Variants in NOX5 observed in about 807,000 individuals in gnomAD.
NOX5 encodes NADPH oxidase, EF-hand calcium binding domain 5.
NOX5 carries 76 observed loss-of-function variants against 85.7 expected under a neutral mutation model. The ratio of observed to expected loss-of-function variants is 0.89; its 90% CI spans 0.74 to 1.07. The LOEUF (loss-of-function observed/expected upper bound fraction) is 1.07. NOX5 is among the 50% of genes least tolerant of loss of function. The pLI is 0.00. For missense variants in NOX5, 973 were observed against 999.5 expected, an observed-to-expected ratio of 0.97 and a Z score of 0.36; for synonymous variants, 405 against 401.4, an observed-to-expected ratio of 1.01 and a Z score of -0.11.
In NOX5 at chr15:69,048,307, C is replaced by G. The variant is rs2050702070; in HGVS notation, c.1899+396C>G. ...TAGCACTTTGGGAGGCCAAGGCAGGCAGATCACTTGAGCCCAAGAGCTCAA... is the reference window on the plus strand; with the variant it reads ...TAGCACTTTGGGAGGCCAAGGCAGGGAGATCACTTGAGCCCAAGAGCTCAA... On this transcript the variant is annotated intron_variant, in intron 13 of 15. Transcript: ENST00000388866. Among the ~76,000 whole-genome samples the G allele has an allele frequency of 2.6e-5, 4 of 152,182 alleles. No homozygotes were observed. The South Asian group carries it at 8.3e-4, about 32-fold the overall frequency.
At chr15:69,054,219 T>C (rs924856944) in intron 14 of NOX5, among the ~76,000 whole-genome samples, 3 of 152,146 alleles carry the variant, frequency 2.0e-5, no homozygotes, top group Non-Finnish European at 2.9e-5. Context: ...ATAAAAATGA[T>C]AACATTCATA....
intron 2 of NOX5, 42 bp from the exon 3 acceptor site, chr15:69,028,173 T>C (rs1203574816): frequency 2.6e-6 from 4 of 1,539,512 alleles, no homozygotes; most frequent in Non-Finnish European, 3.5e-6. Flanking sequence ...GCCCAGGCCC[T>C]GCGGCCACAG....
Position 69,056,673 on chromosome 15 carries a change from A to G in NOX5, c.2275A>G (p.Arg759Gly), listed in dbSNP as rs7168025. 2,863 of 1,613,820 alleles carry G rather than the reference A, an allele frequency of 1.8e-3. 51 individuals carry two copies. In the African/African-American group the frequency reaches 0.035, roughly 20 times the overall value. ...GGGCCATTGTGAGAAGTTCGGCTTC[A>G]GATTTTTCCAAGAGAATTTCTAGCC... Reference protein sequence around the residue: ...LKGHCEKFGFRFFQENF With the variant: ...LKGHCEKFGFGFFQENF The change falls in exon 16 of 16, where the codon AGA (arginine) becomes GGA (glycine). Residue 759 changes from arginine (R) to glycine (G), a missense_variant. Arg to Gly is a moderately radical substitution (Grantham distance 125). Coordinates refer to ENST00000388866, the MANE Select transcript of NOX5 (RefSeq NM_024505.4).
rs35787143 is a variant in NOX5, at chr15:69,028,511, C to T, written c.325+146C>T. Reference sequence around the variant, plus strand: ...CTGGTTTCTCCAGGTGAGGCTGACACTTCCTTTCCTCACATCTCTCTCCCA... The same window carrying T: ...CTGGTTTCTCCAGGTGAGGCTGACATTTCCTTTCCTCACATCTCTCTCCCA... On this transcript the variant is annotated intron_variant, in intron 3 of 15. Transcript: ENST00000388866. 3.7e-3 allele frequency: 2,385 copies of T among 636,698 alleles called. 49 individuals carry two copies. In the African/African-American group the frequency reaches 0.039, roughly 10 times the overall value. The allele number at this position is 636,698 out of a possible 1,614,324, so 39.4% of individuals were successfully genotyped here. A position where few individuals can be genotyped will look rare whatever the true frequency, so the allele number is the denominator to read the frequency against.
chr15:69,039,494 G>A (rs2050567311), intron 9 of NOX5, among the ~76,000 whole-genome samples: 1 of 152,194 alleles, frequency 6.6e-6, no homozygotes, highest in Non-Finnish European at 1.5e-5. Flanking sequence ...GCTAGGATGG[G>A]ACTAAGGAGG....
At chr15:69,054,088 A>C (rs1218830309) in intron 14 of NOX5, among the ~76,000 whole-genome samples, 1 of 152,128 alleles carries the variant, frequency 6.6e-6, no homozygotes, top group African/African-American at 2.4e-5. Context: ...GGATGAGGTG[A>C]TCGTCAGTCA....
Position 69,023,482 on chromosome 15 carries a change from G to A in NOX5, c.51-3046G>A, listed in dbSNP as rs941829188. 2.3e-4 allele frequency: 95 copies of A among 406,320 alleles called. No individual in the cohort carries two copies. In the Admixed American group the frequency reaches 2.5e-3, roughly 11 times the overall value. 25.2% of individuals were successfully genotyped at this position (406,320 alleles called of 1,614,324 possible). A position where few individuals can be genotyped will look rare whatever the true frequency, so the allele number is the denominator to read the frequency against. ...TAAAAAATGATTCTACTGAAATCCC[G>A]AATAGAGCCAGGGTTGTCTTCTTGA... On this transcript the variant is annotated intron_variant, in intron 1 of 15. Coordinates refer to ENST00000388866, the MANE Select transcript of NOX5 (RefSeq NM_024505.4).
rs1346186455 is a variant in NOX5, at chr15:69,061,522, C to G, written c.*4826C>G. On this transcript the variant is annotated 3_prime_UTR_variant, in exon 16 of 16. Transcript: ENST00000388866. The stretch of plus-strand genomic sequence containing the variant: ...TACTCATATTAACCAGCCTTCCTGA[C>G]AGATTGATGCATCTTTTTATGATCT... 1 of 152,250 alleles carries G rather than the reference C, an allele frequency of 6.6e-6. No individual in the cohort carries two copies. Among genetic ancestry groups the G allele is most frequent in the African/African-American group, 2.4e-5 (1 of 41,464 alleles). The allele number at this position is 152,250 out of a possible 1,614,324, so 9.4% of individuals were successfully genotyped here. A position where few individuals can be genotyped will look rare whatever the true frequency, so the allele number is the denominator to read the frequency against.
At chr15:69,045,022 A>C (rs886973251) in intron 10 of NOX5, among the ~76,000 whole-genome samples, 2 of 152,222 alleles carry the variant, frequency 1.3e-5, no homozygotes, top group African/African-American at 4.8e-5. Context: ...ACTCACACAC[A>C]GTGGGAAACT....
At chr15:69,044,366 G>A (rs2050636031) in intron 10 of NOX5, among the ~76,000 whole-genome samples, 1 of 152,098 alleles carries the variant, frequency 6.6e-6, no homozygotes, top group East Asian at 1.9e-4. Context: ...GACAGACAAT[G>A]AACAAATAAA....
At chr15:69,048,040 C>A (rs1185153686) in intron 13 of NOX5, 129 bp downstream of exon 13, 7 of 747,642 alleles carry the variant, frequency 9.4e-6, no homozygotes, top group South Asian at 1.8e-5. Flanking sequence ...TCTTTCCCCA[C>A]AATACCCTGA....
chr15:69,056,448 TG>T, intron 15 of NOX5, 116 bp from the exon 16 acceptor site: 1 of 1,321,530 alleles, frequency 7.6e-7, no homozygotes, highest in Non-Finnish European at 1.0e-6. Flanking sequence ...CTGTGTAAAA[TG>T]GGAATGCTCA....
At chr15:69,053,681 A>G (rs1400959777) in intron 14 of NOX5, among the ~76,000 whole-genome samples, 1 of 152,198 alleles carries the variant, frequency 6.6e-6, no homozygotes, top group African/African-American at 2.4e-5. Context: ...TGAGATGGCT[A>G]TCTCAAACAC....
Position 69,049,032 on chromosome 15 carries a change from T to C in NOX5, c.1973T>C (p.Met658Thr), listed in dbSNP as rs990795848. 1 of 1,612,452 alleles carries C rather than the reference T, an allele frequency of 6.2e-7. No individual in the cohort carries two copies. The highest frequency in any genetic ancestry group is 8.5e-7 in the Non-Finnish European group (1 of 1,179,496). The change falls in exon 14 of 16, where the codon ATG (methionine) becomes ACG (threonine). Residue 658 changes from methionine to threonine, a missense_variant. Coordinates refer to ENST00000388866, the MANE Select transcript of NOX5 (RefSeq NM_024505.4). ...WFVSLLTKLE[M>T]DQAEEAQYGR... ...GTGAGCCTGCTGACTAAACTGGAGATGGACCAGGCCGAGGAGGCTCAATAC... is the reference window on the plus strand; with the variant it reads ...GTGAGCCTGCTGACTAAACTGGAGACGGACCAGGCCGAGGAGGCTCAATAC...
chr15:69,055,566 G>A, intron 15 of NOX5, 66 bp downstream of exon 15: 1 of 1,558,208 alleles, frequency 6.4e-7, no homozygotes, highest in Non-Finnish European at 8.7e-7. Flanking sequence ...GGCAGCGGTG[G>A]GGAGACGAGG....
At chr15:69,041,999 A>G (rs545814459) in intron 9 of NOX5, among the ~76,000 whole-genome samples, 59 of 151,392 alleles carry the variant, frequency 3.9e-4, no homozygotes, top group Admixed American at 8.6e-4. Context: ...TGCTTCGTGT[A>G]TTTAGACCCT....
At chr15:69,030,300 G>T (rs1031336966) in intron 3 of NOX5, 1 of 152,222 alleles carries the variant, frequency 6.6e-6, no homozygotes, top group African/African-American at 2.4e-5. Context: ...AGCCATCAAA[G>T]TGTGTTGAGC....
intron 1 of NOX5, among the ~76,000 whole-genome samples, chr15:69,019,339 T>C (rs1412578784): frequency 1.3e-5 from 2 of 152,194 alleles, no homozygotes; most frequent in Non-Finnish European, 2.9e-5. Context: ...GAGAGAGTCT[T>C]GTGGTGGAAA....
chr15:69,061,634 G>A lies in NOX5; in HGVS notation c.*4938G>A, dbSNP rs2050871624. On this transcript the variant is annotated 3_prime_UTR_variant, in exon 16 of 16. Coordinates refer to ENST00000388866, the MANE Select transcript of NOX5 (RefSeq NM_024505.4). ...TTTTATGAGGAAATTCATCCCAGGG[G>A]GAAAAATACTCAACCTGAATGGCAG... 2 of 152,174 alleles carry A rather than the reference G, an allele frequency of 1.3e-5. No individual in the cohort carries two copies. The highest frequency in any genetic ancestry group is 4.1e-4 in the South Asian group (2 of 4,830). The allele number at this position is 152,174 out of a possible 1,614,324, so 9.4% of individuals were successfully genotyped here.
Sources: allele counts gnomAD v4.1 joint callset (sites outside exome capture counted in the v4.1 genomes callset), GRCh38; gene constraint gnomAD v4.1.1; transcripts MANE v1.5; gene names NCBI Gene and HGNC (gene_info 2026-07-23, HGNC 2026-07-21).